GALK2: variants seen among roughly 807,000 people sequenced by gnomAD.
GALK2 encodes N-acetylgalactosamine kinase.
Under a neutral mutation model 52.4 loss-of-function variants are expected in GALK2, and 36 were observed. The observed-to-expected ratio is 0.69, with a 90% CI of 0.53 to 0.91. The LOEUF (loss-of-function observed/expected upper bound fraction) is 0.91, where lower values mean the gene tolerates loss of function less well. Ranked by LOEUF, GALK2 falls within the 40% of genes least tolerant of loss-of-function variation. The probability of loss-of-function intolerance (pLI) is 0.00; values close to 1 mark genes in which losing one functional copy is unlikely to be tolerated. For synonymous variants in GALK2, 176 were observed against 199.1 expected (o/e 0.88, Z 0.98); for missense variants, 579 against 559.1 (o/e 1.04, Z -0.36).
At chr15:49,217,030 C>A in intron 2 of GALK2, 160 bp from the exon 3 acceptor site, 1 of 559,376 alleles carries the variant, frequency 1.8e-6, no homozygotes, top group East Asian at 3.0e-5. Context: ...GGTGTAAGAT[C>A]ATGGAAGGGT....
intron 3 of GALK2, among the ~76,000 whole-genome samples, chr15:49,226,466 T>G (rs2141429401): frequency 6.6e-6 from 1 of 152,324 alleles, no homozygotes; most frequent in South Asian, 2.1e-4. Flanking sequence ...GTTTACTTAA[T>G]TTTTAGTCTC....
Position 49,191,591 on chromosome 15 carries a change from T to A in GALK2, c.54-9571T>A, listed in dbSNP as rs182338383. On this transcript the variant is annotated intron_variant, in intron 1 of 9. Coordinates refer to ENST00000560031, the MANE Select transcript of GALK2 (RefSeq NM_002044.4). ...AATACAACAAAAGTGATTTTGTTTCTTTAGTACATCATATCAAAAGGCACA... is the reference window on the plus strand; with the variant it reads ...AATACAACAAAAGTGATTTTGTTTCATTAGTACATCATATCAAAAGGCACA... Among the ~76,000 whole-genome samples, 451 of 152,320 alleles carry A rather than the reference T, an allele frequency of 3.0e-3. 5 individuals carry two copies. Among genetic ancestry groups the A allele is most frequent in the African/African-American group, 0.01 (428 of 41,576 alleles).
At chr15:49,304,837 T>G (rs1422408644) in intron 8 of GALK2, among the ~76,000 whole-genome samples, 1 of 152,248 alleles carries the variant, frequency 6.6e-6, no homozygotes. Flanking sequence ...TTATTTTCAT[T>G]TAAGAATTAG....
At chr15:49,304,820 T>A (rs2035412753) in intron 8 of GALK2, among the ~76,000 whole-genome samples, 1 of 152,260 alleles carries the variant, frequency 6.6e-6, no homozygotes, top group African/African-American at 2.4e-5. Flanking sequence ...CTTGATCAAA[T>A]TTCAAGTTAT....
At chr15:49,199,863 T>G (rs754458701) in intron 1 of GALK2, among the ~76,000 whole-genome samples, 1 of 152,154 alleles carries the variant, frequency 6.6e-6, no homozygotes, top group Admixed American at 6.5e-5. Flanking sequence ...AACAAGAGAA[T>G]GAGGCAGGAA....
intron 1 of GALK2, among the ~76,000 whole-genome samples, chr15:49,200,513 C>T (rs2087649343): frequency 6.6e-6 from 1 of 152,074 alleles, no homozygotes; most frequent in African/African-American, 2.4e-5. Flanking sequence ...GGTGTCCTTA[C>T]AAGAAGGAAA....
intron 1 of GALK2, among the ~76,000 whole-genome samples, chr15:49,186,788 T>G (rs551172515): frequency 2.0e-5 from 3 of 152,246 alleles, no homozygotes; most frequent in Non-Finnish European, 4.4e-5. Context: ...CCGCCCACCT[T>G]GGCCTCCCAA....
chr15:49,197,470 G>A (rs893052013), intron 1 of GALK2, among the ~76,000 whole-genome samples: 5 of 151,986 alleles, frequency 3.3e-5, no homozygotes, highest in African/African-American at 1.2e-4. Flanking sequence ...ATTGGATTTT[G>A]GAATATTTAA....
chr15:49,268,888 A>G (rs1183972236), intron 5 of GALK2, among the ~76,000 whole-genome samples: 1 of 152,196 alleles, frequency 6.6e-6, no homozygotes, highest in Non-Finnish European at 1.5e-5. Flanking sequence ...TTCTACCAAT[A>G]GTGTGCTAAA....
intron 5 of GALK2, among the ~76,000 whole-genome samples, chr15:49,278,780 A>G (rs2032271543): frequency 3.9e-5 from 6 of 152,258 alleles, no homozygotes; most frequent in African/African-American, 1.4e-4. Flanking sequence ...GACCTATTTT[A>G]TAGGTGTATT....
At position 49,162,594 on chromosome 15, in the gene GALK2, C is replaced by T. The variant is rs182869904; in HGVS notation, c.20+6578C>T. ...AGTGGGATCTGTGACTTGCTTCTAACTAAAATACAGCAAAGGTGATATACG... is the reference window on the plus strand; with the variant it reads ...AGTGGGATCTGTGACTTGCTTCTAATTAAAATACAGCAAAGGTGATATACG... On this transcript the variant is annotated intron_variant, in intron 1 of 9. Coordinates refer to the GALK2 transcript ENST00000327171. Among the ~76,000 whole-genome samples, 654 of 152,204 alleles carry T rather than the reference C, an allele frequency of 4.3e-3. 1 individual carries two copies. The highest frequency in any genetic ancestry group is 7.3e-3 in the Non-Finnish European group (496 of 68,014).
At chr15:49,309,456 A>G (rs2035809825) in intron 8 of GALK2, among the ~76,000 whole-genome samples, 1 of 152,174 alleles carries the variant, frequency 6.6e-6, no homozygotes, top group Non-Finnish European at 1.5e-5. Flanking sequence ...TTTAGTTAAC[A>G]TATGACAATT....
intron 3 of GALK2, among the ~76,000 whole-genome samples, chr15:49,235,073 A>G (rs1178887998): frequency 3.3e-5 from 5 of 152,088 alleles, no homozygotes; most frequent in South Asian, 2.1e-4. Context: ...CCCAGATACT[A>G]TGTTTTTCCA....
chr15:49,341,914 G>T (rs2040787736), intron 3 of GALK2, among the ~76,000 whole-genome samples: 3 of 152,034 alleles, frequency 2.0e-5, no homozygotes, highest in Admixed American at 1.3e-4. Flanking sequence ...TAAGAGTTTG[G>T]TTTTTTTGAA....
Position 49,253,069 on chromosome 15 carries a change from A to G in GALK2, c.504+13702A>G, listed in dbSNP as rs539383959. Among the ~76,000 whole-genome samples the G allele has an allele frequency of 4.8e-5, 7 of 144,976 alleles. No individual in the cohort carries two copies. The South Asian group carries it at 1.6e-3, about 32-fold the overall frequency. On this transcript the variant is annotated intron_variant, in intron 5 of 9. Transcript: ENST00000560031. The stretch of plus-strand genomic sequence containing the variant: ...TAACCATTCATCTATTATATGTTGC[A>G]AATATTTATCCCTGCTCAAACTAAT...
At chr15:49,190,577 A>T (rs1478816104) in intron 1 of GALK2, among the ~76,000 whole-genome samples, 1 of 152,234 alleles carries the variant, frequency 6.6e-6, no homozygotes, top group Non-Finnish European at 1.5e-5. Context: ...TAGTTTTGTT[A>T]AAGCAAATTA....
chr15:49,340,062 G>A (rs1191326340), intron 3 of GALK2, among the ~76,000 whole-genome samples: 1 of 152,186 alleles, frequency 6.6e-6, no homozygotes, highest in Non-Finnish European at 1.5e-5. Flanking sequence ...CTCAGTGGGG[G>A]TGGGACCCGC....
chr15:49,170,073 G>A (rs2084959383), upstream of GALK2: 4 of 726,750 alleles, frequency 5.5e-6, no homozygotes, highest in South Asian at 8.8e-5. Flanking sequence ...GTCCCTCCCT[G>A]GGAGCTAAGA....
intron 5 of GALK2, among the ~76,000 whole-genome samples, chr15:49,250,301 A>G (rs2091535047): frequency 1.3e-5 from 2 of 152,214 alleles, no homozygotes; most frequent in African/African-American, 4.8e-5. Flanking sequence ...TGGTTAAAGC[A>G]TGCACTGCAG....
Sources: allele counts gnomAD v4.1 joint callset (sites outside exome capture counted in the v4.1 genomes callset), GRCh38; gene constraint gnomAD v4.1.1; transcripts MANE v1.5; gene names NCBI Gene and HGNC (gene_info 2026-07-23, HGNC 2026-07-21).